Variants in SIK3 observed in about 807,000 individuals in gnomAD.
SIK3 encodes the protein serine/threonine-protein kinase SIK3.
A neutral mutation model predicts 144.2 loss-of-function variants in SIK3; 28 were observed. The observed-to-expected ratio is 0.19, with a 90% CI of 0.14 to 0.27. SIK3 has a LOEUF of 0.27. SIK3 is among the 10% of genes least tolerant of loss of function. The pLI is 1.00. For missense variants in SIK3, 1,319 were observed against 1,776.0 expected, an observed-to-expected ratio of 0.74 and a Z score of 4.62; for synonymous variants, 686 against 676.3, an observed-to-expected ratio of 1.01 and a Z score of -0.22.
chr11:116,897,949 T>C (rs1437712443), intron 4 of SIK3, among the ~76,000 whole-genome samples: 1 of 151,830 alleles, frequency 6.6e-6, no homozygotes. Flanking sequence ...AGGAAACACA[T>C]GTAAGCCTAC....
intron 3 of SIK3, among the ~76,000 whole-genome samples, chr11:116,938,909 T>C (rs557652962): frequency 6.6e-6 from 1 of 152,226 alleles, no homozygotes; most frequent in African/African-American, 2.4e-5. Context: ...AAATCCATAA[T>C]TGCATAATTA....
chr11:116,940,231 GTT>G (rs759117065), intron 3 of SIK3, among the ~76,000 whole-genome samples: 6 of 135,750 alleles, frequency 4.4e-5, no homozygotes, highest in Admixed American at 7.4e-5. Context: ...AGGTTTTTTT[GTT>G]TTTTTTTTTT....
intron 1 of SIK3, among the ~76,000 whole-genome samples, chr11:117,023,601 C>CAAAAAA (rs1565567566): frequency 2.7e-5 from 1 of 36,404 alleles, no homozygotes; most frequent in Non-Finnish European, 4.7e-5. Context: ...AACAAACAAA[C>CAAAAAA]AAACAAACAA....
intron 1 of SIK3, among the ~76,000 whole-genome samples, chr11:116,964,797 G>A (rs539379487): frequency 2.0e-5 from 3 of 152,190 alleles, no homozygotes; most frequent in East Asian, 1.9e-4. Context: ...AGGGAGAATC[G>A]CTTGAACCCA....
intron 1 of SIK3, among the ~76,000 whole-genome samples, chr11:116,988,616 A>G (rs900704010): frequency 1.3e-5 from 2 of 151,850 alleles, no homozygotes; most frequent in Non-Finnish European, 2.9e-5. Context: ...CCCCATCTCT[A>G]CAATAATAAT....
chr11:117,002,146 T>C (rs1017478136), intron 1 of SIK3, among the ~76,000 whole-genome samples: 2 of 152,236 alleles, frequency 1.3e-5, no homozygotes, highest in Admixed American at 1.3e-4. Flanking sequence ...CTTTTAAAGT[T>C]TGCCATTTGA....
chr11:117,073,190 C>A (rs1326443562), intron 1 of SIK3, among the ~76,000 whole-genome samples: 1 of 152,172 alleles, frequency 6.6e-6, no homozygotes, highest in Non-Finnish European at 1.5e-5. Flanking sequence ...TACATATGCA[C>A]AGCAAGTGCA....
intron 1 of SIK3, among the ~76,000 whole-genome samples, chr11:117,047,136 G>A (rs1258243982): frequency 6.6e-6 from 1 of 152,140 alleles, no homozygotes; most frequent in East Asian, 1.9e-4. Flanking sequence ...ATGTTGGATT[G>A]TGGTATGGTT....
chr11:116,997,096 G>A (rs1950695921), intron 1 of SIK3, among the ~76,000 whole-genome samples: 2 of 152,132 alleles, frequency 1.3e-5, no homozygotes, highest in South Asian at 2.1e-4. Context: ...TGAACAACTT[G>A]AGCAAACAAG....
chr11:116,869,754 T>A (rs1943865228), intron 14 of SIK3: 1 of 236,672 alleles, frequency 4.2e-6, no homozygotes, highest in Admixed American at 5.1e-5. Context: ...CCGTTCTCTG[T>A]GAGTTAGGCA....
At chr11:116,901,093 G>A (rs754707897) in intron 4 of SIK3, among the ~76,000 whole-genome samples, 2 of 152,086 alleles carry the variant, frequency 1.3e-5, no homozygotes, top group South Asian at 2.1e-4. Context: ...TCGAACTCCC[G>A]ACATCAGGTG....
chr11:116,848,142 G>A (rs532815), intron 22 of SIK3, among the ~76,000 whole-genome samples: 68,036 of 151,916 alleles, frequency 0.45, 18,923 homozygotes, highest in Non-Finnish European at 0.63. Flanking sequence ...GTGAAACCCC[G>A]TCTCTACTAA....
intron 1 of SIK3, among the ~76,000 whole-genome samples, chr11:117,031,970 T>A (rs1419142259): frequency 6.6e-6 from 1 of 152,220 alleles, no homozygotes; most frequent in Non-Finnish European, 1.5e-5. Flanking sequence ...TTTAAAAATT[T>A]ACTGAGGATA....
chr11:116,862,364 C>G lies in SIK3; in HGVS notation c.2104-37G>C, dbSNP rs1943388553. On this transcript the variant is annotated intron_variant, in intron 16 of 24. Coordinates refer to ENST00000445177, the MANE Select transcript of SIK3 (RefSeq NM_001366686.3). ...GTAGTTAATACAGATGGGATGCAGCCAGACCCGCCTCATGCAGTGATTTCA... is the reference window on the plus strand; with the variant it reads ...GTAGTTAATACAGATGGGATGCAGCGAGACCCGCCTCATGCAGTGATTTCA... The G allele has an allele frequency of 1.9e-6, 3 of 1,612,528 alleles. No homozygotes were observed. In the African/African-American group the frequency reaches 4.0e-5, roughly 21 times the overall value.
intron 1 of SIK3, among the ~76,000 whole-genome samples, chr11:117,065,641 A>ATT (rs35013282): frequency 6.8e-6 from 1 of 146,348 alleles, no homozygotes; most frequent in South Asian, 2.2e-4. Flanking sequence ...TCATAAATTG[A>ATT]TTTTTTTTTT....
At position 117,098,390 on chromosome 11, in the gene SIK3, G is replaced by A; in HGVS notation, c.26C>T (p.Ala9Val). Residue 9 changes from alanine to valine, a missense_variant, in exon 1 of 25, where the codon GCT becomes GTT. By Grantham distance (64) the Ala-to-Val change is moderately conservative. Around this residue, in one of 8 missense-constraint regions of SIK3, gnomAD observed 114 missense variants for 116.2 expected, o/e 0.98. Transcript: ENST00000445177. Reference sequence around the variant, plus strand: ...AGTCCCGGCCCCGGCAGCCCCGCCAGCTCCGCTCGCCGCCGCCGCCGCCAT... The same window carrying A: ...AGTCCCGGCCCCGGCAGCCCCGCCAACTCCGCTCGCCGCCGCCGCCGCCAT... Reference protein sequence around the residue: MAAAAASGAGGAAGAGTGG... With the variant: MAAAAASGVGGAAGAGTGG... 8.6e-7 allele frequency: 1 copy of A among 1,164,482 alleles called. No homozygotes were observed. Among genetic ancestry groups the A allele is most frequent in the South Asian group, 4.0e-5 (1 of 25,286 alleles). 72.1% of individuals were successfully genotyped at this position (1,164,482 alleles called of 1,614,324 possible).
intron 1 of SIK3, among the ~76,000 whole-genome samples, chr11:116,987,016 A>G (rs1031002865): frequency 1.3e-5 from 2 of 152,218 alleles, no homozygotes; most frequent in African/African-American, 2.4e-5. Flanking sequence ...CAGTTTTGCA[A>G]GATGAAAAGA....
intron 1 of SIK3, among the ~76,000 whole-genome samples, chr11:116,970,945 C>A (rs1424827684): frequency 6.6e-6 from 1 of 152,166 alleles, no homozygotes; most frequent in Non-Finnish European, 1.5e-5. Flanking sequence ...CCACACCCAG[C>A]CCTAAGTCAT....
chr11:116,893,071 A>G (rs1945212919), intron 6 of SIK3, among the ~76,000 whole-genome samples: 1 of 152,232 alleles, frequency 6.6e-6, no homozygotes, highest in African/African-American at 2.4e-5. Context: ...ATGGATAAAC[A>G]GGCAGAGCAC....
Sources: allele counts gnomAD v4.1 joint callset (sites outside exome capture counted in the v4.1 genomes callset), GRCh38; gene constraint gnomAD v4.1.1; regional missense constraint gnomAD v4.1.1; transcripts MANE v1.5; gene names NCBI Gene and HGNC (gene_info 2026-07-23, HGNC 2026-07-21).